Variants in GSE1 observed in about 807,000 individuals in gnomAD.
The protein encoded by GSE1 is genetic suppressor element 1.
GSE1 carries 32 observed loss-of-function variants against 112.6 expected under a neutral mutation model. The ratio of observed to expected loss-of-function variants is 0.28; its 90% CI spans 0.21 to 0.38. The LOEUF (loss-of-function observed/expected upper bound fraction) is 0.38, where lower values mean the gene tolerates loss of function less well. Ranked by LOEUF, GSE1 falls within the 10% of genes least tolerant of loss-of-function variation. The pLI is 1.00. For missense variants in GSE1, 2,348 were observed against 1,699.2 expected (o/e 1.38, Z -6.71); for synonymous variants, 1,115 against 735.6 (o/e 1.52, Z -8.35).
chr16:85,640,803 G>T (rs552142948), intron 2 of GSE1, among the ~76,000 whole-genome samples: 170 of 152,338 alleles, frequency 1.1e-3, no homozygotes, highest in African/African-American at 4.0e-3. Context: ...GTCAGTCTGC[G>T]GCGGCGGCGG....
chr16:85,172,910 C>T (rs1444800832), intron 1 of GSE1, among the ~76,000 whole-genome samples: 1 of 152,206 alleles, frequency 6.6e-6, no homozygotes, highest in Non-Finnish European at 1.5e-5. Context: ...CATGATTTGC[C>T]CACCTCTCCC....
At chr16:85,494,577 G>A (rs2051110343) in intron 2 of GSE1, among the ~76,000 whole-genome samples, 1 of 151,064 alleles carries the variant, frequency 6.6e-6, no homozygotes, top group Non-Finnish European at 1.5e-5. Context: ...CTAATTTTTT[G>A]TATTTTTGTA....
At chr16:85,509,028 G>A (rs2051641112) in intron 2 of GSE1, among the ~76,000 whole-genome samples, 1 of 152,224 alleles carries the variant, frequency 6.6e-6, no homozygotes, top group African/African-American at 2.4e-5. Context: ...ACAGCAGGGA[G>A]AGGGACTTGA....
intron 2 of GSE1, among the ~76,000 whole-genome samples, chr16:85,390,980 G>T (rs530264642): frequency 2.1e-4 from 32 of 152,336 alleles, no homozygotes; most frequent in African/African-American, 7.7e-4. Flanking sequence ...CTTTATTGCA[G>T]TGCCTTCACG....
intron 2 of GSE1, among the ~76,000 whole-genome samples, chr16:85,389,391 G>A (rs1432517011): frequency 2.6e-5 from 4 of 151,726 alleles, no homozygotes; most frequent in Non-Finnish European, 5.9e-5. Context: ...ACCCGGGCGG[G>A]GGAGGTTGCG....
At chr16:85,338,828 G>A (rs145139038) in intron 1 of GSE1, among the ~76,000 whole-genome samples, 243 of 152,352 alleles carry the variant, frequency 1.6e-3, no homozygotes, top group African/African-American at 5.5e-3. Flanking sequence ...GAGTCAGTGC[G>A]TGAAGCAGGG....
intron 2 of GSE1, among the ~76,000 whole-genome samples, chr16:85,481,149 A>G (rs8051344): frequency 0.038 from 5,753 of 151,886 alleles, 340 homozygotes; most frequent in African/African-American, 0.13. Flanking sequence ...GTCCATCCCC[A>G]AGCAGCTGAG....
intron 2 of GSE1, among the ~76,000 whole-genome samples, chr16:85,434,333 A>ATCATC (rs1567483786): frequency 2.7e-5 from 3 of 110,090 alleles, no homozygotes; most frequent in Non-Finnish European, 2.0e-5. Context: ...TAATAATAAT[A>ATCATC]ATAATAATAA....
At chr16:85,415,034 T>A (rs2048672348) in intron 2 of GSE1, among the ~76,000 whole-genome samples, 2 of 152,202 alleles carry the variant, frequency 1.3e-5, no homozygotes, top group African/African-American at 4.8e-5. Flanking sequence ...AGCCTCTACC[T>A]CCTGGGGTCA....
At chr16:85,667,650 G>C (rs938258425) in intron 13 of GSE1, among the ~76,000 whole-genome samples, 3 of 152,226 alleles carry the variant, frequency 2.0e-5, no homozygotes, top group Admixed American at 6.5e-5. Flanking sequence ...CTGAGGTCCG[G>C]AGTTTGAAAC....
intron 1 of GSE1, among the ~76,000 whole-genome samples, chr16:85,247,752 CAGGG>C (rs1906015128): frequency 6.6e-6 from 1 of 152,202 alleles, no homozygotes; most frequent in Admixed American, 6.5e-5. Flanking sequence ...TGTGAGCACT[CAGGG>C]AGGGAACGCG....
chr16:85,633,066 G>A (rs548417129), intron 1 of GSE1, among the ~76,000 whole-genome samples: 1 of 152,344 alleles, frequency 6.6e-6, no homozygotes, highest in South Asian at 2.1e-4. Flanking sequence ...GTCAGCCGTT[G>A]CTGCGCCAGG....
At chr16:85,199,839 C>A (rs1435982487) in intron 1 of GSE1, among the ~76,000 whole-genome samples, 1 of 152,050 alleles carries the variant, frequency 6.6e-6, no homozygotes, top group Non-Finnish European at 1.5e-5. Flanking sequence ...AAGGTGGCTT[C>A]CAGAGGCTGG....
chr16:85,333,377 C>T (rs988462528), intron 1 of GSE1, among the ~76,000 whole-genome samples: 4 of 152,202 alleles, frequency 2.6e-5, no homozygotes, highest in South Asian at 2.1e-4. Context: ...CAACCCACCC[C>T]GTGCTGGCCC....
chr16:85,312,826 T>TA (rs780455771), intron 1 of GSE1, among the ~76,000 whole-genome samples: 99 of 151,824 alleles, frequency 6.5e-4, no homozygotes, highest in Non-Finnish European at 1.2e-3. Context: ...CCACCCAGGT[T>TA]GACACTGGCC....
At chr16:85,409,106 AGG>A (rs545149048) in intron 2 of GSE1, among the ~76,000 whole-genome samples, 1 of 580 alleles carries the variant, frequency 1.7e-3, no homozygotes, top group African/African-American at 7.0e-3. Flanking sequence ...TGTTACACTC[AGG>A]GGCCCCCTGG....
At chr16:85,514,640 C>T (rs1251983270) in intron 2 of GSE1, among the ~76,000 whole-genome samples, 1 of 152,212 alleles carries the variant, frequency 6.6e-6, no homozygotes, top group Non-Finnish European at 1.5e-5. Flanking sequence ...AGAGGCTCTG[C>T]GCCCATTGTC....
chr16:85,435,436 C>T (rs1380089130), intron 2 of GSE1, among the ~76,000 whole-genome samples: 2 of 152,218 alleles, frequency 1.3e-5, no homozygotes, highest in Non-Finnish European at 2.9e-5. Flanking sequence ...ACCCTCCCTC[C>T]CTCTCCCTCG....
intron 2 of GSE1, among the ~76,000 whole-genome samples, chr16:85,501,162 A>G (rs11149753): frequency 0.66 from 100,217 of 151,218 alleles, 34,635 homozygotes; most frequent in African/African-American, 0.88. Flanking sequence ...CACCACGCCC[A>G]GCTAATTTTT....
Sources: gnomAD v4.1 joint callset for allele counts (sites outside exome capture counted in the v4.1 genomes callset) on GRCh38, gnomAD v4.1.1 for gene constraint, MANE v1.5 for transcripts, NCBI Gene and HGNC (gene_info 2026-07-23, HGNC 2026-07-21) for gene names.